The following OR10J1 variants were observed in gnomAD, a reference collection of about 807,000 sequenced individuals.
OR10J1 encodes olfactory receptor 10J1.
For missense variants in OR10J1, 474 were observed against 376.6 expected (o/e 1.26, Z -2.14); for synonymous variants, 202 against 143.8 (o/e 1.40, Z -2.89).
At chr1:159,410,231 C>T in the OR10J1 span, among the ~76,000 whole-genome samples, 12 of 152,108 alleles carry the variant, frequency 7.9e-5, no homozygotes, top group Non-Finnish European at 1.3e-4. Flanking sequence ...TTAGGGAGGA[C>T]TCCCTCTTTT....
chr1:159,407,963 T>C, the OR10J1 span, among the ~76,000 whole-genome samples: 2 of 152,090 alleles, frequency 1.3e-5, no homozygotes, highest in African/African-American at 2.4e-5. Context: ...GGTGCTATGA[T>C]AGAGCTTAGT....
chr1:159,407,204 T>A, the OR10J1 span, among the ~76,000 whole-genome samples: 1 of 152,118 alleles, frequency 6.6e-6, no homozygotes, highest in Non-Finnish European at 1.5e-5. Context: ...AAAGAATGTA[T>A]CAAAATGCAA....
the OR10J1 span, among the ~76,000 whole-genome samples, chr1:159,420,790 A>G: frequency 6.6e-6 from 1 of 151,990 alleles, no homozygotes; most frequent in Non-Finnish European, 1.5e-5. Context: ...AAGTTCCTTT[A>G]TAAGTGACTA....
upstream of OR10J1, among the ~76,000 whole-genome samples, chr1:159,439,324 G>T (rs1655833299): frequency 1.3e-5 from 2 of 152,184 alleles, no homozygotes; most frequent in African/African-American, 4.8e-5. Flanking sequence ...GATGTAAAAG[G>T]TATTATAAAG....
At chr1:159,412,434 C>G in the OR10J1 span, among the ~76,000 whole-genome samples, 4 of 150,570 alleles carry the variant, frequency 2.7e-5, no homozygotes, top group African/African-American at 9.9e-5. Context: ...TGACTTCAAA[C>G]TATACTACAA....
chr1:159,411,435 C>G, the OR10J1 span, among the ~76,000 whole-genome samples: 15 of 152,084 alleles, frequency 9.9e-5, no homozygotes, highest in Non-Finnish European at 1.6e-4. Context: ...TTGAATTGAT[C>G]CCTTTACTAT....
the OR10J1 span, among the ~76,000 whole-genome samples, chr1:159,401,968 TACATC>T: frequency 1.3e-5 from 2 of 151,920 alleles, no homozygotes; most frequent in Non-Finnish European, 2.9e-5. Flanking sequence ...TGTGATACAT[TACATC>T]AAAAGAATAT....
At chr1:159,426,896 A>G in the OR10J1 span, among the ~76,000 whole-genome samples, 9 of 152,076 alleles carry the variant, frequency 5.9e-5, no homozygotes, top group African/African-American at 2.2e-4. Flanking sequence ...GTTAACCATT[A>G]TTCTAAGCAC....
Position 159,440,581 on chromosome 1 carries a change from G to A in OR10J1, c.790G>A (p.Glu264Lys), listed in dbSNP as rs763231620. 3.7e-6 allele frequency: 6 copies of A among 1,613,872 alleles called. No homozygotes were observed. Among genetic ancestry groups the A allele is most frequent in the South Asian group, 1.1e-5 (1 of 91,054 alleles). ...CATTGCCTACCTCAAGCCCAAGTCAGAGAACACCAGAGAACATGACCAGCT... is the reference window on the plus strand; with the variant it reads ...CATTGCCTACCTCAAGCCCAAGTCAAAGAACACCAGAGAACATGACCAGCT... ...ASIAYLKPKSENTREHDQLIS... is the reference protein window; with the variant it reads ...ASIAYLKPKSKNTREHDQLIS... Residue 264 changes from glutamate (E) to lysine (K), a missense_variant, in exon 1 of 1, where the codon GAG becomes AAG. Coordinates refer to ENST00000423932, the MANE Select transcript of OR10J1 (RefSeq NM_012351.3).
the OR10J1 span, among the ~76,000 whole-genome samples, chr1:159,412,831 A>T: frequency 1.3e-5 from 2 of 151,714 alleles, no homozygotes; most frequent in Non-Finnish European, 2.9e-5. Context: ...GACAAAATTG[A>T]CAAATGGGAT....
Position 159,440,136 on chromosome 1 carries a change from C to G in OR10J1, c.345C>G (p.Leu115=), listed in dbSNP as rs199938422. ...VTFGITNCFL[L]TAMGYDRYVA... The stretch of plus-strand genomic sequence containing the variant: ...TTGGCATCACTAACTGCTTCCTGCT[C>G]ACAGCAATGGGATATGACCGCTATG... The change falls in exon 1 of 1, where the codon CTC becomes CTG. Residue 115 remains leucine, a synonymous_variant. Coordinates refer to ENST00000423932, the MANE Select transcript of OR10J1 (RefSeq NM_012351.3). The G allele has an allele frequency of 6.8e-5, 110 of 1,614,016 alleles. No homozygotes were observed. Among genetic ancestry groups the G allele is most frequent in the Non-Finnish European group, 9.0e-5 (106 of 1,180,036 alleles).
chr1:159,404,010 G>A, the OR10J1 span, among the ~76,000 whole-genome samples: 1 of 152,088 alleles, frequency 6.6e-6, no homozygotes, highest in Non-Finnish European at 1.5e-5. Flanking sequence ...AATAAGCCAG[G>A]CACAGGAAGA....
Position 159,440,789 on chromosome 1 carries a change from A to C in OR10J1, c.*68A>C. On this transcript the variant is annotated 3_prime_UTR_variant, in exon 1 of 1. Transcript: ENST00000423932. The stretch of plus-strand genomic sequence containing the variant: ...AGGCAGGAATATGAGGTGTAAACTC[A>C]CAAACACTTGGCTCCTAGAGACCTG... The C allele has an allele frequency of 1.4e-5, 21 of 1,512,034 alleles. No individual in the cohort carries two copies. The highest frequency in any genetic ancestry group is 1.8e-5 in the Non-Finnish European group (20 of 1,123,202). 93.7% of individuals were successfully genotyped at this position (1,512,034 alleles called of 1,614,324 possible). A position where few individuals can be genotyped will look rare whatever the true frequency, so the allele number is the denominator to read the frequency against.
In OR10J1 at chr1:159,440,216, T is replaced by C. The variant is rs181042173; in HGVS notation, c.425T>C (p.Ile142Thr). 2.5e-6 allele frequency: 4 copies of C among 1,614,150 alleles called. No homozygotes were observed. Among genetic ancestry groups the C allele is most frequent in the Admixed American group, 1.7e-5 (1 of 60,016 alleles). ...GTTATTATGAACAAGAGGCTGCGTA[T>C]CCAACTTGTCCTGGGGGCCTGCAGC... ...YMVIMNKRLR[I>T]QLVLGACSIG... The change falls in exon 1 of 1, where the codon ATC (isoleucine) becomes ACC (threonine). Residue 142 changes from isoleucine to threonine, a missense_variant. Coordinates refer to ENST00000423932, the MANE Select transcript of OR10J1 (RefSeq NM_012351.3).
At chr1:159,416,303 T>C in the OR10J1 span, among the ~76,000 whole-genome samples, 1 of 152,044 alleles carries the variant, frequency 6.6e-6, no homozygotes, top group Non-Finnish European at 1.5e-5. Flanking sequence ...TTCAGTACAA[T>C]GTTAGCTGTG....
the OR10J1 span, among the ~76,000 whole-genome samples, chr1:159,427,868 G>A: frequency 3.6e-4 from 55 of 152,164 alleles, no homozygotes; most frequent in East Asian, 1.2e-3. Flanking sequence ...AGGGGTTTCC[G>A]TTAAAACGTA....
chr1:159,407,765 T>C, the OR10J1 span, among the ~76,000 whole-genome samples: 7 of 152,274 alleles, frequency 4.6e-5, no homozygotes, highest in African/African-American at 1.7e-4. Context: ...TTAATTTATT[T>C]ATTCATCAAA....
the OR10J1 span, among the ~76,000 whole-genome samples, chr1:159,428,883 T>C: frequency 6.6e-6 from 1 of 152,228 alleles, no homozygotes. Flanking sequence ...CAAATATTTA[T>C]TTCTCAGTAT....
At chr1:159,406,254 C>T in the OR10J1 span, 17,033 of 527,078 alleles carry the variant, frequency 0.032, 2,513 homozygotes, top group African/African-American at 0.31. Context: ...CAGAGACAGT[C>T]AGCAGGTACA....
Sources: gnomAD v4.1 joint callset for allele counts (sites outside exome capture counted in the v4.1 genomes callset) on GRCh38, gnomAD v4.1.1 for gene constraint, MANE v1.5 for transcripts, NCBI Gene and HGNC (gene_info 2026-07-23, HGNC 2026-07-21) for gene names.